Variants in SLC25A48 observed in about 807,000 individuals in gnomAD.
SLC25A48 encodes the protein CTC-321K16.1.
In SLC25A48, 29 loss-of-function variants were observed where a neutral mutation model predicts 32.2. The ratio of observed to expected loss-of-function variants is 0.90; its 90% CI spans 0.67 to 1.23. The LOEUF is 1.23. SLC25A48 is among the 50% of genes most tolerant of loss of function. The probability of loss-of-function intolerance (pLI) is 0.00; values close to 1 mark genes in which losing one functional copy is unlikely to be tolerated. For synonymous variants in SLC25A48, 164 were observed against 172.3 expected, an observed-to-expected ratio of 0.95 and a Z score of 0.38; for missense variants, 399 against 422.7, an observed-to-expected ratio of 0.94 and a Z score of 0.49.
At chr5:135,749,334 C>G (rs1189475416) in intron 3 of SLC25A48, among the ~76,000 whole-genome samples, 1 of 151,932 alleles carries the variant, frequency 6.6e-6, no homozygotes, top group Non-Finnish European at 1.5e-5. Flanking sequence ...CAACCTTGCT[C>G]CAGGTTTCTC....
At chr5:135,816,116 A>C (rs1471751838) in intron 4 of SLC25A48, among the ~76,000 whole-genome samples, 1 of 152,042 alleles carries the variant, frequency 6.6e-6, no homozygotes, top group Non-Finnish European at 1.5e-5. Context: ...GCTATTTTTA[A>C]AACCATCAGA....
chr5:135,705,076 T>C (rs1046457998), intron 3 of SLC25A48, among the ~76,000 whole-genome samples: 8 of 152,242 alleles, frequency 5.3e-5, no homozygotes, highest in African/African-American at 1.9e-4. Flanking sequence ...TCACTGTCTC[T>C]TGGGTCCTGA....
chr5:135,760,834 TGTGTGTAC>T (rs1756045126), intron 3 of SLC25A48, among the ~76,000 whole-genome samples: 1 of 152,196 alleles, frequency 6.6e-6, no homozygotes, highest in Admixed American at 6.5e-5. Flanking sequence ...TCTACTTCCA[TGTGTGTAC>T]GTGTGTATAA....
intron 2 of SLC25A48, 93 bp downstream of exon 2, chr5:135,842,552 A>G: frequency 1.5e-6 from 2 of 1,318,594 alleles, no homozygotes; most frequent in Non-Finnish European, 2.2e-6. Flanking sequence ...TCTCTCAGAG[A>G]GTCTTCTGCC....
chr5:135,582,693 G>A (rs191174818), intron 1 of SLC25A48, among the ~76,000 whole-genome samples: 3 of 152,098 alleles, frequency 2.0e-5, no homozygotes, highest in African/African-American at 7.2e-5. Flanking sequence ...CTCCCCACAG[G>A]CTGTGCTCCA....
At chr5:135,879,821 T>C in intron 6 of SLC25A48, 147 bp from the exon 7 acceptor site, 1 of 1,153,502 alleles carries the variant, frequency 8.7e-7, no homozygotes, top group East Asian at 2.6e-5. Context: ...GACTTCCCTG[T>C]GTGGTCTCTG....
chr5:135,816,521 T>C (rs1757722606), intron 4 of SLC25A48, among the ~76,000 whole-genome samples: 1 of 152,206 alleles, frequency 6.6e-6, no homozygotes, highest in Non-Finnish European at 1.5e-5. Flanking sequence ...CCTCATTTTC[T>C]TATCTTTACA....
intron 1 of SLC25A48, among the ~76,000 whole-genome samples, chr5:135,595,741 A>G (rs151216553): frequency 4.8e-4 from 73 of 152,322 alleles, no homozygotes; most frequent in African/African-American, 1.6e-3. Context: ...TATGCATCTC[A>G]TAGTGATATT....
At chr5:135,852,311 C>T (rs1226383904) in intron 3 of SLC25A48, among the ~76,000 whole-genome samples, 1 of 152,208 alleles carries the variant, frequency 6.6e-6, no homozygotes, top group African/African-American at 2.4e-5. Context: ...GCATGCATGG[C>T]ATGTGTGGGT....
chr5:135,717,999 T>G (rs1754847685), intron 3 of SLC25A48, among the ~76,000 whole-genome samples: 1 of 147,246 alleles, frequency 6.8e-6, no homozygotes, highest in African/African-American at 2.5e-5. Flanking sequence ...ATTGTGGGCT[T>G]GAGACTCCTT....
At chr5:135,813,975 G>C (rs1757652130) in intron 4 of SLC25A48, among the ~76,000 whole-genome samples, 2 of 152,214 alleles carry the variant, frequency 1.3e-5, no homozygotes, top group African/African-American at 4.8e-5. Flanking sequence ...AGGTGACACA[G>C]AGTGTGCTAT....
chr5:135,819,873 C>T (rs74853418), intron 4 of SLC25A48, among the ~76,000 whole-genome samples: 4,531 of 152,050 alleles, frequency 0.03, 209 homozygotes, highest in African/African-American at 0.1. Flanking sequence ...TTAAAACCAG[C>T]GTGGTATCTA....
At chr5:135,882,066 T>G (rs1762512871) in intron 7 of SLC25A48, among the ~76,000 whole-genome samples, 1 of 152,216 alleles carries the variant, frequency 6.6e-6, no homozygotes, top group African/African-American at 2.4e-5. Flanking sequence ...TGTCCTGCAT[T>G]TAGCCTTTCA....
upstream of SLC25A48, among the ~76,000 whole-genome samples, chr5:135,830,566 C>T (rs992730436): frequency 1.3e-5 from 2 of 152,188 alleles, no homozygotes; most frequent in Non-Finnish European, 2.9e-5. Context: ...GGGCCAGATT[C>T]AGTCTGCACA....
At chr5:135,669,183 C>G (rs1753594454) in intron 3 of SLC25A48, among the ~76,000 whole-genome samples, 1 of 152,096 alleles carries the variant, frequency 6.6e-6, no homozygotes, top group Non-Finnish European at 1.5e-5. Context: ...GATAACATGG[C>G]CTTCAAAGAA....
chr5:135,852,129 G>T (rs1759921017), intron 3 of SLC25A48, among the ~76,000 whole-genome samples: 1 of 152,166 alleles, frequency 6.6e-6, no homozygotes, highest in African/African-American at 2.4e-5. Flanking sequence ...TCTTCCTTAT[G>T]GTTGCTCCCC....
At position 135,589,091 on chromosome 5, in the gene SLC25A48, C is replaced by T. The variant is rs534958911; in HGVS notation, c.-849+9494C>T. On this transcript the variant is annotated intron_variant, in intron 1 of 10. Coordinates refer to the SLC25A48 transcript ENST00000646290. ...GTGCACAGAAACTTTCACATAATGA[C>T]AGTCACACTGCATAATCCTGTGTAC... Among the ~76,000 whole-genome samples, 4 of 152,340 alleles carry T rather than the reference C, an allele frequency of 2.6e-5. No homozygotes were observed. The East Asian group carries it at 7.7e-4, about 29-fold the overall frequency.
intron 3 of SLC25A48, among the ~76,000 whole-genome samples, chr5:135,679,814 A>G (rs991185475): frequency 5.3e-5 from 8 of 152,144 alleles, no homozygotes; most frequent in African/African-American, 1.7e-4. Context: ...GGCTGTCAGT[A>G]TAGTGCCTTG....
chr5:135,856,288 T>C (rs1398287592), intron 4 of SLC25A48, among the ~76,000 whole-genome samples: 2 of 152,146 alleles, frequency 1.3e-5, no homozygotes, highest in Admixed American at 6.5e-5. Flanking sequence ...ACCTCAGACA[T>C]CTGATGGGGC....
Sources: allele counts gnomAD v4.1 joint callset (sites outside exome capture counted in the v4.1 genomes callset), GRCh38; gene constraint gnomAD v4.1.1; transcripts MANE v1.5; gene names NCBI Gene and HGNC (gene_info 2026-07-23, HGNC 2026-07-21).